Variants in TYW1 observed in about 807,000 individuals in gnomAD.
The protein encoded by TYW1 is S-adenosyl-L-methionine-dependent tRNA 4-demethylwyosine synthase TYW1.
In TYW1, 46 loss-of-function variants were observed where a neutral mutation model predicts 96.2. The observed-to-expected ratio is 0.48, with a 90% CI of 0.38 to 0.61. TYW1 has a LOEUF of 0.61. TYW1 is among the 20% of genes least tolerant of loss of function. TYW1 has a pLI of 0.00. For synonymous variants in TYW1, 274 were observed against 323.0 expected (o/e 0.85, Z 1.63); for missense variants, 684 against 909.6 (o/e 0.75, Z 3.19).
chr7:67,218,737 T>G (rs566451484), intron 15 of TYW1, among the ~76,000 whole-genome samples: 68 of 152,354 alleles, frequency 4.5e-4, no homozygotes, highest in African/African-American at 1.4e-3. Context: ...GCAGCTGATT[T>G]TTGCATGTTA....
chr7:67,126,827 A>G lies in TYW1; in HGVS notation c.1698+9209A>G, dbSNP rs751733857. Among the ~76,000 whole-genome samples the G allele has an allele frequency of 1.7e-4, 26 of 152,036 alleles. 1 individual carries two copies. Among genetic ancestry groups the G allele is most frequent in the Admixed American group, 5.2e-4 (8 of 15,272 alleles). Reference sequence around the variant, plus strand: ...GGGCTGTGTTCTGTTCCTTTGGTCTATTTGTCTGTTCTTGCAACAATATCA... The same window carrying G: ...GGGCTGTGTTCTGTTCCTTTGGTCTGTTTGTCTGTTCTTGCAACAATATCA... On this transcript the variant is annotated intron_variant, in intron 13 of 15. Coordinates refer to ENST00000359626, the MANE Select transcript of TYW1 (RefSeq NM_018264.4).
intron 13 of TYW1, among the ~76,000 whole-genome samples, chr7:67,167,468 CAAAAA>C (rs869281504): frequency 1.3e-5 from 1 of 78,804 alleles, no homozygotes; most frequent in Non-Finnish European, 2.3e-5. Context: ...GACTCTGTCT[CAAAAA>C]AAAAAAAAAA....
At chr7:67,141,098 A>G (rs974566990) in intron 13 of TYW1, among the ~76,000 whole-genome samples, 32 of 152,238 alleles carry the variant, frequency 2.1e-4, no homozygotes, top group African/African-American at 7.0e-4. Flanking sequence ...AAAATAGCCT[A>G]TAAGTGTTTA....
At chr7:67,077,148 G>A (rs10281398) in intron 10 of TYW1, among the ~76,000 whole-genome samples, 37,024 of 152,070 alleles carry the variant, frequency 0.24, 4,779 homozygotes, top group African/African-American at 0.32. Flanking sequence ...TTTATCTGCT[G>A]ATGGACACTT....
intron 13 of TYW1, among the ~76,000 whole-genome samples, chr7:67,180,515 T>TGGC (rs1799807248): frequency 6.7e-6 from 1 of 150,082 alleles, no homozygotes; most frequent in Non-Finnish European, 1.5e-5. Flanking sequence ...ATTAATTATT[T>TGGC]TTCGTATATT....
At chr7:67,186,265 T>TCGC (rs1345384979) in intron 14 of TYW1, among the ~76,000 whole-genome samples, 3,516 of 68,296 alleles carry the variant, frequency 0.051, 529 homozygotes, top group African/African-American at 0.22. Context: ...CTTCCTTTCT[T>TCGC]CCCCCCCGCC....
intron 13 of TYW1, among the ~76,000 whole-genome samples, chr7:67,140,657 C>CT (rs1168753051): frequency 6.6e-6 from 1 of 152,118 alleles, no homozygotes; most frequent in African/African-American, 2.4e-5. Context: ...CCTGGTGAGA[C>CT]TATAAATTGC....
At chr7:67,100,803 G>A (rs549039649) in intron 12 of TYW1, among the ~76,000 whole-genome samples, 5 of 142,144 alleles carry the variant, frequency 3.5e-5, no homozygotes, top group African/African-American at 1.3e-4. Flanking sequence ...GGCGGAGCTT[G>A]CAGTGAGCCA....
At chr7:67,027,715 G>A (rs1339873112) in intron 7 of TYW1, among the ~76,000 whole-genome samples, 1 of 152,118 alleles carries the variant, frequency 6.6e-6, no homozygotes, top group Non-Finnish European at 1.5e-5. Flanking sequence ...CAGATCACGA[G>A]GTCAGGTGAT....
At chr7:67,042,976 A>G (rs764484437) in intron 7 of TYW1, among the ~76,000 whole-genome samples, 5 of 151,982 alleles carry the variant, frequency 3.3e-5, no homozygotes, top group Non-Finnish European at 5.9e-5. Flanking sequence ...CAGCTTAGGC[A>G]ACAGCCTGAG....
chr7:67,236,052 C>T (rs575525490), intron 15 of TYW1, among the ~76,000 whole-genome samples: 15 of 152,138 alleles, frequency 9.9e-5, no homozygotes, highest in African/African-American at 3.1e-4. Flanking sequence ...ATAGTGTCTG[C>T]GGAAGTTCAA....
intron 10 of TYW1, among the ~76,000 whole-genome samples, chr7:67,081,571 T>C (rs1325774725): frequency 6.6e-6 from 1 of 151,950 alleles, no homozygotes; most frequent in Non-Finnish European, 1.5e-5. Flanking sequence ...GTTCTCCTTC[T>C]GGAATTCCTA....
chr7:67,012,542 A>G (rs1466815058), intron 4 of TYW1, among the ~76,000 whole-genome samples: 1 of 152,174 alleles, frequency 6.6e-6, no homozygotes, highest in Non-Finnish European at 1.5e-5. Context: ...AAACTTTGAT[A>G]TTACTTATAA....
At chr7:67,050,930 C>T (rs1443213539) in intron 8 of TYW1, among the ~76,000 whole-genome samples, 3 of 151,600 alleles carry the variant, frequency 2.0e-5, no homozygotes, top group African/African-American at 7.3e-5. Flanking sequence ...GAGTCTCTCT[C>T]ACCCAGTCTG....
chr7:67,203,434 G>A (rs960249165), intron 15 of TYW1, among the ~76,000 whole-genome samples: 1 of 152,104 alleles, frequency 6.6e-6, no homozygotes, highest in African/African-American at 2.4e-5. Flanking sequence ...TGTTGAGTGC[G>A]TCTCTTCGTA....
chr7:67,039,434 G>C (rs1229838103), intron 7 of TYW1, among the ~76,000 whole-genome samples: 2 of 151,002 alleles, frequency 1.3e-5, no homozygotes, highest in Non-Finnish European at 3.0e-5. Context: ...CTCCAGCCTG[G>C]GTGACAGTGT....
intron 7 of TYW1, among the ~76,000 whole-genome samples, chr7:67,049,630 T>G (rs1360174861): frequency 6.6e-6 from 1 of 151,840 alleles, no homozygotes; most frequent in African/African-American, 2.4e-5. Flanking sequence ...CACTGCAACT[T>G]TCGTTTTCTG....
chr7:67,197,474 A>C (rs577541316), intron 15 of TYW1, among the ~76,000 whole-genome samples: 5 of 152,214 alleles, frequency 3.3e-5, no homozygotes, highest in African/African-American at 1.2e-4. Flanking sequence ...TACAGGCGTG[A>C]GCCACCACAC....
chr7:67,128,808 C>A (rs1163136426), intron 13 of TYW1, among the ~76,000 whole-genome samples: 1 of 151,856 alleles, frequency 6.6e-6, no homozygotes, highest in African/African-American at 2.4e-5. Flanking sequence ...CCTGCCTCAG[C>A]CTTCCAAGTA....
Sources: gnomAD v4.1 joint callset for allele counts (sites outside exome capture counted in the v4.1 genomes callset) on GRCh38, gnomAD v4.1.1 for gene constraint, MANE v1.5 for transcripts, NCBI Gene and HGNC (gene_info 2026-07-23, HGNC 2026-07-21) for gene names.